Variants in CFAP61 observed in about 807,000 individuals in gnomAD.
The protein encoded by CFAP61 is cilia and flagella associated protein 61.
A neutral mutation model predicts 135.6 loss-of-function variants in CFAP61; 107 were observed. That is an observed-to-expected ratio of 0.79 (90% CI 0.67 to 0.93). The LOEUF is 0.93. CFAP61 is among the 40% of genes least tolerant of loss of function. The probability of loss-of-function intolerance (pLI) is 0.00; values close to 1 mark genes in which losing one functional copy is unlikely to be tolerated. For missense variants in CFAP61, 1,507 were observed against 1,556.2 expected (o/e 0.97, Z 0.53); for synonymous variants, 575 against 578.5 (o/e 0.99, Z 0.09).
intron 9 of CFAP61, among the ~76,000 whole-genome samples, chr20:20,158,715 A>G (rs745840654): frequency 6.6e-6 from 1 of 152,232 alleles, no homozygotes. Flanking sequence ...CAAAAATCAT[A>G]TCAGTATTTG....
At chr20:20,222,411 C>G (rs905840003) in intron 17 of CFAP61, among the ~76,000 whole-genome samples, 1 of 152,158 alleles carries the variant, frequency 6.6e-6, no homozygotes, top group Non-Finnish European at 1.5e-5. Flanking sequence ...TGAGTATGCT[C>G]TATCCAGTGT....
chr20:20,228,402 A>G (rs1462334959), intron 18 of CFAP61, 26 bp downstream of exon 18: 1 of 1,580,316 alleles, frequency 6.3e-7, no homozygotes, highest in Non-Finnish European at 8.7e-7. Context: ...CTATTGATTG[A>G]TTGGTTTTTA....
intron 18 of CFAP61, among the ~76,000 whole-genome samples, chr20:20,229,253 G>A (rs964969155): frequency 3.3e-5 from 5 of 152,124 alleles, no homozygotes; most frequent in South Asian, 2.1e-4. Context: ...CTGAGAGCTC[G>A]GGATCATGGC....
intron 9 of CFAP61, among the ~76,000 whole-genome samples, chr20:20,156,162 A>G (rs1195433099): frequency 6.6e-6 from 1 of 152,202 alleles, no homozygotes; most frequent in African/African-American, 2.4e-5. Context: ...AAATATTGAA[A>G]TAAAAAAATT....
intron 21 of CFAP61, among the ~76,000 whole-genome samples, chr20:20,275,743 A>G (rs1350011291): frequency 6.6e-6 from 1 of 152,222 alleles, no homozygotes; most frequent in Admixed American, 6.5e-5. Flanking sequence ...AGGACAGAAG[A>G]CCTAAAACCT....
intron 8 of CFAP61, among the ~76,000 whole-genome samples, chr20:20,116,151 A>G (rs1257579140): frequency 1.3e-5 from 2 of 152,182 alleles, no homozygotes. Context: ...ATGAGATGTT[A>G]TCTCATTGTG....
At chr20:20,196,500 T>G in intron 15 of CFAP61, 70 bp from the exon 16 acceptor site, 1 of 1,186,590 alleles carries the variant, frequency 8.4e-7, no homozygotes, top group Non-Finnish European at 1.3e-6. Context: ...TTTTAAAAGA[T>G]ATTTATCACA....
At chr20:20,302,852 G>GATTTTT (rs1224226785) in intron 25 of CFAP61, among the ~76,000 whole-genome samples, 1 of 152,064 alleles carries the variant, frequency 6.6e-6, no homozygotes. Flanking sequence ...ACCATGAATG[G>GATTTTT]ATTTTTATTT....
In CFAP61 at chr20:20,269,146, T is replaced by TATAC. The variant is rs1419572825; in HGVS notation, c.2503+6017_2503+6018insTACA. 6.5e-3 allele frequency among the ~76,000 whole-genome samples: 555 copies of TATAC among 85,538 alleles called. 2 individuals are homozygous for TATAC. The highest frequency in any genetic ancestry group is 0.022 in the East Asian group (72 of 3,302). The allele number at this position is 85,538 out of a possible 152,430, so 56.1% of individuals were successfully genotyped here. On this transcript the variant is annotated intron_variant, in intron 21 of 26. Transcript: ENST00000245957. ...ATATATATATATATATATATATATA[T>TATAC]ACACACACACACACACACATACATA...
intron 25 of CFAP61, among the ~76,000 whole-genome samples, chr20:20,309,583 A>G (rs2145056): frequency 0.15 from 22,740 of 152,186 alleles, 1,881 homozygotes; most frequent in East Asian, 0.28. Flanking sequence ...GAGTTTCCTG[A>G]CTTTCTGTCA....
intron 19 of CFAP61, among the ~76,000 whole-genome samples, chr20:20,251,312 C>CACACACACACATACAGATAA (rs1353402098): frequency 1.3e-5 from 2 of 148,432 alleles, no homozygotes; most frequent in African/African-American, 4.9e-5. Flanking sequence ...AGTGATTTCA[C>CACACACACACATACAGATAA]ACACACACAC....
intron 17 of CFAP61, among the ~76,000 whole-genome samples, chr20:20,214,146 C>T (rs2047870447): frequency 2.6e-5 from 4 of 152,064 alleles, no homozygotes; most frequent in African/African-American, 9.7e-5. Context: ...AGTGTGGGGC[C>T]CTCTCAGGAT....
chr20:20,250,018 G>A (rs1477887021), intron 19 of CFAP61, among the ~76,000 whole-genome samples: 11 of 152,092 alleles, frequency 7.2e-5, no homozygotes, highest in Non-Finnish European at 1.3e-4. Context: ...GCCAGTCCCC[G>A]ATTTTCTTTT....
At chr20:20,245,844 GT>G (rs2050412910) in intron 18 of CFAP61, among the ~76,000 whole-genome samples, 1 of 152,126 alleles carries the variant, frequency 6.6e-6, no homozygotes, top group Non-Finnish European at 1.5e-5. Context: ...CTCCCAATTT[GT>G]TTTAGTTTTA....
rs1246163346 is a variant in CFAP61 at position 20,169,449 on chromosome 20, T to G, written c.1374T>G (p.Ala458=). 3 of 1,613,120 alleles carry G rather than the reference T, an allele frequency of 1.9e-6. No individual in the cohort carries two copies. The highest frequency in any genetic ancestry group is 2.5e-6 in the Non-Finnish European group (3 of 1,179,494). ...AGGACCTCTACGTCTTCCACCGGGC[T>G]GGATTGCTCAAGTGAGTAGACACAT... ...LEQDLYVFHR[A]GLLKSINIRF... Residue 458 remains alanine, a synonymous_variant, in exon 13 of 27, where the codon GCT becomes GCG. Transcript: ENST00000245957.
chr20:20,277,473 G>A lies in CFAP61; in HGVS notation c.2796+15G>A. On this transcript the variant is annotated intron_variant, in intron 22 of 26. Coordinates refer to ENST00000245957, the MANE Select transcript of CFAP61 (RefSeq NM_015585.4). ...TCCAGTGCTCTGTAAGTGGGTCCCTGCAAACCTCACTCACCAGCCAGGGAC... is the reference window on the plus strand; with the variant it reads ...TCCAGTGCTCTGTAAGTGGGTCCCTACAAACCTCACTCACCAGCCAGGGAC... 1 of 1,586,942 alleles carries A rather than the reference G, an allele frequency of 6.3e-7. No homozygotes were observed. Among genetic ancestry groups the A allele is most frequent in the Non-Finnish European group, 8.6e-7 (1 of 1,162,344 alleles).
intron 8 of CFAP61, among the ~76,000 whole-genome samples, chr20:20,106,638 G>A (rs1339490570): frequency 2.0e-5 from 3 of 152,158 alleles, no homozygotes; most frequent in East Asian, 1.9e-4. Flanking sequence ...TCTCAGTAGG[G>A]GATGTCTCTT....
rs1201080474 is a variant in CFAP61, at chr20:20,360,235, A to G, written c.3539A>G (p.Gln1180Arg). The G allele has an allele frequency of 6.2e-7, 1 of 1,613,700 alleles. No homozygotes were observed. Among genetic ancestry groups the G allele is most frequent in the Non-Finnish European group, 8.5e-7 (1 of 1,179,840 alleles). Residue 1180 changes from glutamine (Q) to arginine (R), a missense_variant, in exon 27 of 27, where the codon CAG (glutamine) becomes CGG (arginine). Transcript: ENST00000245957. ...KEEEDLPSIE[Q>R]LAHQIEDEEI... ...GAGGAAGATCTTCCTTCCATAGAGC[A>G]GTTAGCCCATCAAATAGAAGATGAG...
chr20:20,059,319 T>A (rs2146537763), intron 2 of CFAP61, among the ~76,000 whole-genome samples: 1 of 81,180 alleles, frequency 1.2e-5, no homozygotes. Context: ...ACAGAGAGAC[T>A]CTGTCTCAAA....
Sources: allele counts gnomAD v4.1 joint callset (sites outside exome capture counted in the v4.1 genomes callset), GRCh38; gene constraint gnomAD v4.1.1; transcripts MANE v1.5; gene names NCBI Gene and HGNC (gene_info 2026-07-23, HGNC 2026-07-21).